Variants in MCM9 observed in about 807,000 individuals in gnomAD.
MCM9 encodes the protein minichromosome maintenance 9 homologous recombination repair factor.
Under a neutral mutation model 72.8 loss-of-function variants are expected in MCM9, and 55 were observed. The observed-to-expected ratio is 0.76, with a 90% confidence interval of 0.61 to 0.95. The LOEUF (loss-of-function observed/expected upper bound fraction) is 0.95. MCM9 is among the 40% of genes least tolerant of loss of function. MCM9 has a pLI of 0.00. For missense variants in MCM9, 1,279 were observed against 1,377.0 expected (o/e 0.93, Z 1.13); for synonymous variants, 480 against 503.4 (o/e 0.95, Z 0.62).
chr6:118,835,958 C>G (rs1774927928), intron 9 of MCM9, among the ~76,000 whole-genome samples: 1 of 152,124 alleles, frequency 6.6e-6, no homozygotes, highest in South Asian at 2.1e-4. Flanking sequence ...AGCTTTTGCC[C>G]ATTCAGTATG....
intron 8 of MCM9, among the ~76,000 whole-genome samples, chr6:118,858,211 G>A (rs376972206): frequency 9.2e-5 from 14 of 152,052 alleles, no homozygotes; most frequent in African/African-American, 3.1e-4. Flanking sequence ...GTTAACATTC[G>A]AAAATTAATC....
intron 6 of MCM9, among the ~76,000 whole-genome samples, chr6:118,917,142 T>A (rs1781028618): frequency 6.6e-6 from 1 of 152,218 alleles, no homozygotes; most frequent in South Asian, 2.1e-4. Flanking sequence ...TCCTAGTTAT[T>A]CCCTGTTTTA....
chr6:118,820,695 T>C (rs1384729242), intron 13 of MCM9, among the ~76,000 whole-genome samples: 1 of 152,176 alleles, frequency 6.6e-6, no homozygotes, highest in Non-Finnish European at 1.5e-5. Flanking sequence ...TTCTGCCTCA[T>C]GGATCTATCT....
intron 9 of MCM9, among the ~76,000 whole-genome samples, chr6:118,840,557 T>G (rs1182337140): frequency 6.6e-6 from 1 of 152,136 alleles, no homozygotes; most frequent in African/African-American, 2.4e-5. Context: ...AGTGACATAT[T>G]ACTTTGTAGA....
At chr6:118,827,501 T>C (rs1220845943) in intron 11 of MCM9, among the ~76,000 whole-genome samples, 2 of 152,180 alleles carry the variant, frequency 1.3e-5, no homozygotes, top group East Asian at 1.9e-4. Flanking sequence ...GGCATGGCAT[T>C]GTCAAGTTGG....
chr6:118,934,636 C>A (rs969019435), intron 1 of MCM9: 2 of 152,248 alleles, frequency 1.3e-5, no homozygotes, highest in African/African-American at 2.4e-5. Context: ...GCCCCAGGGG[C>A]GCCTGGCAAA....
At chr6:118,910,617 TTTG>T (rs1780475019) in intron 8 of MCM9, 2 of 985,014 alleles carry the variant, frequency 2.0e-6, no homozygotes, top group Non-Finnish European at 2.4e-6. Context: ...AGCATCTTTA[TTTG>T]TTGTTGGTAT....
At chr6:118,863,526 CAT>C (rs1198461157) in intron 8 of MCM9, among the ~76,000 whole-genome samples, 6 of 152,110 alleles carry the variant, frequency 3.9e-5, no homozygotes, top group Admixed American at 2.6e-4. Context: ...AAATATGGCA[CAT>C]GTTATGGTCT....
intron 9 of MCM9, among the ~76,000 whole-genome samples, chr6:118,837,570 T>C (rs1379474679): frequency 6.6e-6 from 1 of 152,240 alleles, no homozygotes; most frequent in Admixed American, 6.5e-5. Flanking sequence ...GTTGCATATA[T>C]ATTCAGGATA....
chr6:118,924,089 G>T lies in MCM9; in HGVS notation c.343C>A (p.Pro115Thr). ...VCPELVREHI[P>T]KTKDVGHFLS... Reference sequence around the variant, plus strand: ...AAGTGTCCCACATCCTTGGTTTTAGGTATGTGTTCCCTCACCAGCTCAGGA... The same window carrying T: ...AAGTGTCCCACATCCTTGGTTTTAGTTATGTGTTCCCTCACCAGCTCAGGA... The change falls in exon 4 of 14, where the codon CCT (proline) becomes ACT (threonine). Residue 115 changes from proline (P) to threonine (T), a missense_variant. Transcript: ENST00000619706. The T allele has an allele frequency of 2.5e-6, 4 of 1,614,114 alleles. No individual in the cohort carries two copies. The highest frequency in any genetic ancestry group is 2.2e-5 in the East Asian group (1 of 44,888).
intron 8 of MCM9, among the ~76,000 whole-genome samples, chr6:118,906,141 C>T (rs1470754588): frequency 4.6e-5 from 7 of 152,144 alleles, no homozygotes; most frequent in African/African-American, 7.2e-5. Flanking sequence ...GGCATGATCT[C>T]GGCTCACTGC....
intron 8 of MCM9, among the ~76,000 whole-genome samples, chr6:118,870,807 T>C (rs531726031): frequency 2.2e-4 from 34 of 152,192 alleles, no homozygotes; most frequent in African/African-American, 8.2e-4. Context: ...TGAAGGATTA[T>C]AAGAGACTAC....
chr6:118,894,568 G>A, intron 8 of MCM9: 1 of 1,462,626 alleles, frequency 6.8e-7, no homozygotes, highest in East Asian at 2.5e-5. Flanking sequence ...GCGGGCTGCA[G>A]ACGTTGAAAG....
In MCM9 at chr6:118,815,808, T is replaced by G. The variant is rs116048760; in HGVS notation, c.2448A>C (p.Glu816Asp). The stretch of plus-strand genomic sequence containing the variant: ...GTGCTAGCCTTTTTTTCTTGTTACT[T>G]TCCACATTGTCTGCCCTCCATGGAA... ...TGVPWRADNV[E>D]SNKKKRLALD... Residue 816 changes from glutamate (E) to aspartate (D), a missense_variant, in exon 14 of 14, where the codon GAA (glutamate) becomes GAC (aspartate). Physicochemically the swap from Glu to Asp is conservative, Grantham distance 45. Coordinates refer to ENST00000619706, the MANE Select transcript of MCM9 (RefSeq NM_017696.3). 8.7e-4 allele frequency: 1,338 copies of G among 1,539,176 alleles called. 13 individuals are homozygous for G. The South Asian group carries it at 0.01, about 12-fold the overall frequency.
chr6:118,902,723 T>C (rs765253758), intron 8 of MCM9, among the ~76,000 whole-genome samples: 2 of 152,224 alleles, frequency 1.3e-5, no homozygotes, highest in Non-Finnish European at 2.9e-5. Flanking sequence ...TTGGTGTCAG[T>C]GTACATGTTG....
At chr6:118,872,498 G>A (rs1583494370) in intron 8 of MCM9, among the ~76,000 whole-genome samples, 1 of 151,980 alleles carries the variant, frequency 6.6e-6, no homozygotes, top group East Asian at 1.9e-4. Context: ...TGTAATCTCA[G>A]CTACTCAGGA....
In MCM9 at chr6:118,924,117, G is replaced by A. The variant is rs747062863; in HGVS notation, c.315C>T (p.Val105=). ...TGTGTTCCCTCACCAGCTCAGGACA[G>A]ACAGGCAAACCTGATGGAGAAAACA... ...NLHARISGLP[V]CPELVREHIP... is the part of the protein sequence containing the mutation. Residue 105 remains valine, a synonymous_variant, in exon 4 of 14, where the codon GTC becomes GTT. Coordinates refer to ENST00000619706, the MANE Select transcript of MCM9 (RefSeq NM_017696.3). The A allele has an allele frequency of 1.9e-6, 3 of 1,612,652 alleles. No individual in the cohort carries two copies. Among genetic ancestry groups the A allele is most frequent in the East Asian group, 2.2e-5 (1 of 44,860 alleles).
At chr6:118,825,111 G>A (rs1774073560) in intron 13 of MCM9, among the ~76,000 whole-genome samples, 1 of 152,118 alleles carries the variant, frequency 6.6e-6, no homozygotes, top group Non-Finnish European at 1.5e-5. Context: ...GCTTGGATCA[G>A]TCAAAATGAG....
intron 1 of MCM9, among the ~76,000 whole-genome samples, chr6:118,933,979 A>AAAAAAAAAAAAAC (rs1782680584): frequency 6.6e-6 from 1 of 151,810 alleles, no homozygotes; most frequent in African/African-American, 2.4e-5. Flanking sequence ...AAAAAAAAAA[A>AAAAAAAAAAAAAC]AAAATCTGGA....
Sources: gnomAD v4.1 joint callset for allele counts (sites outside exome capture counted in the v4.1 genomes callset) on GRCh38, gnomAD v4.1.1 for gene constraint, MANE v1.5 for transcripts, NCBI Gene and HGNC (gene_info 2026-07-23, HGNC 2026-07-21) for gene names.